PIK3C2B: variants seen among roughly 807,000 people sequenced by gnomAD.
PIK3C2B encodes the protein phosphatidylinositol 4-phosphate 3-kinase C2 domain-containing subunit beta.
In PIK3C2B, 83 loss-of-function variants were observed where a neutral mutation model predicts 184.3. The observed-to-expected ratio is 0.45, with a 90% CI of 0.38 to 0.54. The LOEUF (loss-of-function observed/expected upper bound fraction) is 0.54, where lower values mean the gene tolerates loss of function less well. Ranked by LOEUF, PIK3C2B falls within the 20% of genes least tolerant of loss-of-function variation. PIK3C2B has a pLI of 0.00. For synonymous variants in PIK3C2B, 779 were observed against 837.6 expected, an observed-to-expected ratio of 0.93 and a Z score of 1.21; for missense variants, 1,736 against 2,113.5, an observed-to-expected ratio of 0.82 and a Z score of 3.50.
intron 1 of PIK3C2B, among the ~76,000 whole-genome samples, chr1:204,483,511 G>T (rs1050696308): frequency 1.3e-5 from 2 of 152,100 alleles, no homozygotes; most frequent in African/African-American, 4.8e-5. Flanking sequence ...TAAAAATGGT[G>T]GCCCTGTCGC....
At chr1:204,445,255 C>T (rs1227779278) in intron 16 of PIK3C2B, among the ~76,000 whole-genome samples, 2 of 150,266 alleles carry the variant, frequency 1.3e-5, no homozygotes, top group South Asian at 4.2e-4. Flanking sequence ...TAATGATGTG[C>T]ATGCCAAAGC....
At position 204,424,740 on chromosome 1, in the gene PIK3C2B, TG is replaced by T; in HGVS notation, c.*111del. The T allele has an allele frequency of 9.5e-7, 1 of 1,053,018 alleles. No individual in the cohort carries two copies. The highest frequency in any genetic ancestry group is 1.5e-6 in the Non-Finnish European group (1 of 673,426). The allele number at this position is 1,053,018 out of a possible 1,614,324, so 65.2% of individuals were successfully genotyped here. On this transcript the variant is annotated 3_prime_UTR_variant, in exon 33 of 33. Transcript: ENST00000684373. Reference sequence around the variant, plus strand: ...GAGGCCAGAATCACCTGGACCGAGCTGGAGGCCTGCCCAGGGCCCTGGCCCT... The same window carrying T: ...GAGGCCAGAATCACCTGGACCGAGCTGAGGCCTGCCCAGGGCCCTGGCCCT...
At chr1:204,439,131 G>A in intron 22 of PIK3C2B, 60 bp from the exon 23 acceptor site, 1 of 1,544,310 alleles carries the variant, frequency 6.5e-7, no homozygotes, top group East Asian at 2.3e-5. Context: ...TGCAGGGAGA[G>A]GACTACAAGG....
At chr1:204,477,102 C>T (rs1656768367) in intron 1 of PIK3C2B, among the ~76,000 whole-genome samples, 1 of 152,196 alleles carries the variant, frequency 6.6e-6, no homozygotes. Flanking sequence ...ATGTAAAACA[C>T]AATGCCATGA....
At chr1:204,438,086 G>A (rs1675450277) in intron 23 of PIK3C2B, among the ~76,000 whole-genome samples, 1 of 152,200 alleles carries the variant, frequency 6.6e-6, no homozygotes, top group African/African-American at 2.4e-5. Flanking sequence ...ACTAAACAAT[G>A]TTCTGATTAT....
intron 1 of PIK3C2B, among the ~76,000 whole-genome samples, chr1:204,471,778 A>G (rs1240582452): frequency 6.6e-6 from 1 of 152,246 alleles, no homozygotes; most frequent in African/African-American, 2.4e-5. Flanking sequence ...ATATTTTATT[A>G]TATGTCAATT....
intron 1 of PIK3C2B, among the ~76,000 whole-genome samples, chr1:204,487,488 C>T (rs115136238): frequency 3.1e-3 from 474 of 152,270 alleles, no homozygotes; most frequent in African/African-American, 0.011. Context: ...CAGTACAGAA[C>T]TGTTAATACT....
chr1:204,468,899 C>T lies in PIK3C2B; in HGVS notation c.904G>A (p.Gly302Ser), dbSNP rs573891089. 10 of 1,595,972 alleles carry T rather than the reference C, an allele frequency of 6.3e-6. No homozygotes were observed. The South Asian group carries it at 1.1e-4, about 18-fold the overall frequency. Residue 302 changes from glycine (G) to serine (S), a missense_variant, in exon 2 of 33, where the codon GGC becomes AGC. Gly to Ser is a moderately conservative substitution (Grantham distance 56, BLOSUM62 0). Coordinates refer to ENST00000684373, the MANE Select transcript of PIK3C2B (RefSeq NM_001377334.1). The part of the protein sequence containing the change: ...RYGNRKNATP[G>S]KNRRISAAPV... The stretch of plus-strand genomic sequence containing the variant: ...GCTGCAGAAATCCGGCGGTTCTTGC[C>T]AGGCGTCGCATTCTTTCGGTTGCCA...
chr1:204,477,808 T>G (rs1656832655), intron 1 of PIK3C2B, among the ~76,000 whole-genome samples: 1 of 152,168 alleles, frequency 6.6e-6, no homozygotes, highest in African/African-American at 2.4e-5. Flanking sequence ...ACCAGCTACA[T>G]GCCAGGCCAG....
At chr1:204,446,719 G>A (rs979283379) in intron 15 of PIK3C2B, among the ~76,000 whole-genome samples, 1 of 152,218 alleles carries the variant, frequency 6.6e-6, no homozygotes, top group African/African-American at 2.4e-5. Flanking sequence ...CTAATGAAGT[G>A]TAGTCGGCAG....
intron 1 of PIK3C2B, among the ~76,000 whole-genome samples, chr1:204,484,510 G>A (rs773470874): frequency 4.6e-5 from 7 of 152,232 alleles, no homozygotes; most frequent in South Asian, 2.1e-4. Context: ...CAAGGTGGGC[G>A]GATCACGAGG....
intron 1 of PIK3C2B, among the ~76,000 whole-genome samples, chr1:204,491,372 G>T (rs932539866): frequency 2.3e-4 from 35 of 150,792 alleles, no homozygotes; most frequent in African/African-American, 7.5e-4. Context: ...CTGGGTGACA[G>T]GGTGAGACTC....
intron 23 of PIK3C2B, 56 bp from the exon 24 acceptor site, chr1:204,434,664 T>C (rs184758890): frequency 2.0e-5 from 30 of 1,466,174 alleles, no homozygotes; most frequent in Admixed American, 1.2e-4. Context: ...TTGGAAGGAC[T>C]CCAGGGGCCA....
chr1:204,484,333 C>T (rs902147019), intron 1 of PIK3C2B, among the ~76,000 whole-genome samples: 1 of 152,168 alleles, frequency 6.6e-6, no homozygotes, highest in Non-Finnish European at 1.5e-5. Flanking sequence ...AAAGGTCACA[C>T]AACTTGTAAA....
rs776940848 is a variant in PIK3C2B, at chr1:204,432,234, C to T, written c.4121G>A (p.Arg1374His). 5.0e-5 allele frequency: 80 copies of T among 1,613,886 alleles called. No homozygotes were observed. Among genetic ancestry groups the T allele is most frequent in the Non-Finnish European group, 6.2e-5 (73 of 1,179,992 alleles). Residue 1374 changes from arginine to histidine, a missense_variant, in exon 27 of 33, where the codon CGC becomes CAC. Physicochemically the swap from Arg to His is conservative, Grantham distance 29. Transcript: ENST00000684373. Reference sequence around the variant, plus strand: ...GTTGGGGTGGAAGATCTTCTCATGGCGGCAGAGGAAAACATCACTGATTCG... The same window carrying T: ...GTTGGGGTGGAAGATCTTCTCATGGTGGCAGAGGAAAACATCACTGATTCG... ...SGRISDVFLC[R>H]HEKIFHPNKG... is the part of the protein sequence containing the mutation.
Position 204,447,699 on chromosome 1 carries a change from G to A in PIK3C2B, c.2347-121C>T. 1 of 675,490 alleles carries A rather than the reference G, an allele frequency of 1.5e-6. No homozygotes were observed. Among genetic ancestry groups the A allele is most frequent in the East Asian group, 2.6e-5 (1 of 38,412 alleles). 41.8% of individuals were successfully genotyped at this position (675,490 alleles called of 1,614,324 possible). On this transcript the variant is annotated intron_variant, in intron 14 of 32. Coordinates refer to ENST00000684373, the MANE Select transcript of PIK3C2B (RefSeq NM_001377334.1). The surrounding 1 kb of genome is among the most constrained non-coding windows in gnomAD (Gnocchi z 4.1). ...TCCCTCACTTTCCCTCAGGTTCTTT[G>A]TAAAATAGCCCTGTTAGACTTGGTG...
At chr1:204,484,496 A>G (rs1657432255) in intron 1 of PIK3C2B, among the ~76,000 whole-genome samples, 1 of 152,108 alleles carries the variant, frequency 6.6e-6, no homozygotes, top group South Asian at 2.1e-4. Context: ...GCACTTTGGG[A>G]GGCCAAGGTG....
rs769122869 is a variant in PIK3C2B, at chr1:204,460,362, G to C, written c.1464C>G (p.Val488=). The C allele has an allele frequency of 6.2e-7, 1 of 1,614,038 alleles. No homozygotes were observed. Among genetic ancestry groups the C allele is most frequent in the South Asian group, 1.1e-5 (1 of 91,064 alleles). Residue 488 remains valine, a synonymous_variant, in exon 7 of 33, where the codon GTC becomes GTG. Coordinates refer to ENST00000684373, the MANE Select transcript of PIK3C2B (RefSeq NM_001377334.1). The part of the protein sequence containing the change: ...DQSPSTLNYL[V]HLQERPVKQT... Reference sequence around the variant, plus strand: ...GCTTGACAGGCCTCTCTTGGAGATGGACGAGGTAGTTCAAGGTGGAGGGGC... The same window carrying C: ...GCTTGACAGGCCTCTCTTGGAGATGCACGAGGTAGTTCAAGGTGGAGGGGC...
At chr1:204,457,601 A>T in intron 9 of PIK3C2B, 127 bp downstream of exon 9, 1 of 859,412 alleles carries the variant, frequency 1.2e-6, no homozygotes, top group Non-Finnish European at 1.7e-6. Context: ...CTTAAACATA[A>T]AAGATGGAGG....
Sources: allele counts gnomAD v4.1 joint callset (sites outside exome capture counted in the v4.1 genomes callset), GRCh38; gene constraint gnomAD v4.1.1; non-coding constraint Gnocchi (gnomAD v3.1); transcripts MANE v1.5; gene names NCBI Gene and HGNC (gene_info 2026-07-23, HGNC 2026-07-21).